CNTN1: variants seen among roughly 807,000 people sequenced by gnomAD.
CNTN1 encodes contactin-1.
In CNTN1, 38 loss-of-function variants were observed where a neutral mutation model predicts 126.4. That is an observed-to-expected ratio of 0.30 (90% CI 0.23 to 0.39). The LOEUF (loss-of-function observed/expected upper bound fraction) is 0.39. Ranked by LOEUF, CNTN1 falls within the 10% of genes least tolerant of loss-of-function variation. The pLI is 1.00. For missense variants in CNTN1, 1,009 were observed against 1,248.4 expected, an observed-to-expected ratio of 0.81 and a Z score of 2.89; for synonymous variants, 413 against 422.6, an observed-to-expected ratio of 0.98 and a Z score of 0.28.
chr12:40,709,631 A>C (rs1591996925), intron 1 of CNTN1, among the ~76,000 whole-genome samples: 2 of 152,230 alleles, frequency 1.3e-5, no homozygotes, highest in East Asian at 3.8e-4. Flanking sequence ...AGCCACCTTC[A>C]TCAGTGAGCT....
At chr12:40,785,724 A>C (rs371093806) in intron 1 of CNTN1, among the ~76,000 whole-genome samples, 2 of 152,158 alleles carry the variant, frequency 1.3e-5, no homozygotes, top group African/African-American at 4.8e-5. Flanking sequence ...GAATGTCATC[A>C]GTTAAGGCTA....
intron 1 of CNTN1, among the ~76,000 whole-genome samples, chr12:40,721,665 AG>A (rs1315537065): frequency 3.4e-5 from 5 of 145,306 alleles, no homozygotes; most frequent in Non-Finnish European, 7.6e-5. Flanking sequence ...CTCGTCATTT[AG>A]CATTAGGTAT....
chr12:40,923,761 A>G (rs183596086), intron 5 of CNTN1, among the ~76,000 whole-genome samples: 44 of 152,302 alleles, frequency 2.9e-4, no homozygotes, highest in Non-Finnish European at 5.3e-4. Context: ...TTCAAGTAAG[A>G]CACCAGGCCT....
At chr12:40,824,483 T>G (rs1218376518) in intron 1 of CNTN1, among the ~76,000 whole-genome samples, 4 of 152,188 alleles carry the variant, frequency 2.6e-5, no homozygotes, top group Non-Finnish European at 5.9e-5. Flanking sequence ...TCTATGAGGT[T>G]GACAATATCT....
At chr12:41,000,897 T>C (rs1374355776) in intron 17 of CNTN1, among the ~76,000 whole-genome samples, 1 of 152,210 alleles carries the variant, frequency 6.6e-6, no homozygotes, top group Non-Finnish European at 1.5e-5. Context: ...GGTTTTCTGT[T>C]CTTGCACTAA....
intron 1 of CNTN1, among the ~76,000 whole-genome samples, chr12:40,805,095 T>C (rs1474303742): frequency 6.6e-6 from 1 of 152,100 alleles, no homozygotes; most frequent in East Asian, 1.9e-4. Flanking sequence ...TTTTAATTTT[T>C]ATTTTCGTCA....
intron 1 of CNTN1, among the ~76,000 whole-genome samples, chr12:40,743,678 G>C (rs1450377449): frequency 6.6e-6 from 1 of 151,696 alleles, no homozygotes; most frequent in Non-Finnish European, 1.5e-5. Context: ...ATTTTTTTAA[G>C]CTCCTTGTAG....
At chr12:41,042,907 C>G (rs1249301320) in intron 23 of CNTN1, among the ~76,000 whole-genome samples, 1 of 152,030 alleles carries the variant, frequency 6.6e-6, no homozygotes, top group Non-Finnish European at 1.5e-5. Context: ...GGAAAGGATT[C>G]CCTATTTAAT....
intron 3 of CNTN1, among the ~76,000 whole-genome samples, chr12:40,911,482 A>T (rs1160708797): frequency 6.6e-6 from 1 of 152,176 alleles, no homozygotes; most frequent in African/African-American, 2.4e-5. Flanking sequence ...CTTATTCACT[A>T]AGTATTTTTT....
intron 1 of CNTN1, among the ~76,000 whole-genome samples, chr12:40,807,285 A>C (rs908490466): frequency 1.3e-5 from 2 of 151,872 alleles, no homozygotes; most frequent in Non-Finnish European, 2.9e-5. Context: ...TGGTTCCCTC[A>C]ATTATTATTA....
intron 23 of CNTN1, among the ~76,000 whole-genome samples, chr12:41,039,380 A>G (rs1029847774): frequency 3.3e-5 from 5 of 152,112 alleles, no homozygotes; most frequent in African/African-American, 1.2e-4. Flanking sequence ...ACCCAACAGT[A>G]TTTTCTGATG....
intron 23 of CNTN1, among the ~76,000 whole-genome samples, chr12:41,042,286 T>G (rs1230931375): frequency 6.6e-6 from 1 of 152,172 alleles, no homozygotes; most frequent in Non-Finnish European, 1.5e-5. Context: ...AGAGACAGTT[T>G]GTTATAATTT....
intron 12 of CNTN1, among the ~76,000 whole-genome samples, chr12:40,940,922 G>C (rs568199026): frequency 2.0e-5 from 3 of 152,278 alleles, no homozygotes; most frequent in Admixed American, 2.0e-4. Flanking sequence ...ATGTGTAGGT[G>C]CTTACTCCTT....
At chr12:40,709,084 T>C (rs776780877) in intron 1 of CNTN1, among the ~76,000 whole-genome samples, 17 of 152,228 alleles carry the variant, frequency 1.1e-4, no homozygotes, top group Non-Finnish European at 2.5e-4. Context: ...TTAGTATCTA[T>C]GCAGCTAAAA....
At chr12:40,895,212 T>C (rs1375461414) in intron 1 of CNTN1, among the ~76,000 whole-genome samples, 1 of 152,196 alleles carries the variant, frequency 6.6e-6, no homozygotes, top group African/African-American at 2.4e-5. Context: ...TTGGTATTCA[T>C]AGTCATCCTG....
In CNTN1 at chr12:40,812,789, T is replaced by A. The variant is rs1941114023; in HGVS notation, c.-76-95568T>A. Among the ~76,000 whole-genome samples, 4 of 152,108 alleles carry A rather than the reference T, an allele frequency of 2.6e-5. 1 individual carries two copies. Among genetic ancestry groups the A allele is most frequent in the South Asian group, 4.1e-4 (2 of 4,834 alleles). ...TATGTGCCCTTAAAGCTCTAGTGAG[T>A]CTCTTGTAGGTAGCATCTAGTTAGG... On this transcript the variant is annotated intron_variant, in intron 1 of 23. Transcript: ENST00000551295.
chr12:40,692,797 T>A (rs1410487285), intron 1 of CNTN1, among the ~76,000 whole-genome samples: 3 of 152,114 alleles, frequency 2.0e-5, no homozygotes, highest in African/African-American at 7.2e-5. Context: ...GCCGGAGCCC[T>A]GGGGTGCCGG....
Position 40,981,082 on chromosome 12 carries a change from T to G in CNTN1, c.1963+15T>G. ...TGCAAAGACAGGTGAGTTTTATTTG[T>G]CTGATTAATCCGTGCATGTTTTCAA... is the stretch of plus-strand genomic sequence containing the variant. On this transcript the variant is annotated intron_variant, in intron 16 of 23. Coordinates refer to ENST00000551295, the MANE Select transcript of CNTN1 (RefSeq NM_001843.4). 6.2e-7 allele frequency: 1 copy of G among 1,611,522 alleles called. No homozygotes were observed. Among genetic ancestry groups the G allele is most frequent in the Non-Finnish European group, 8.5e-7 (1 of 1,179,272 alleles).
At chr12:40,704,640 G>C (rs554239054) in intron 1 of CNTN1, among the ~76,000 whole-genome samples, 3 of 152,052 alleles carry the variant, frequency 2.0e-5, no homozygotes, top group Non-Finnish European at 2.9e-5. Context: ...TTATAAACAC[G>C]TATGGTTTCC....
Sources: allele counts gnomAD v4.1 joint callset (sites outside exome capture counted in the v4.1 genomes callset), GRCh38; gene constraint gnomAD v4.1.1; transcripts MANE v1.5; gene names NCBI Gene and HGNC (gene_info 2026-07-23, HGNC 2026-07-21).